Variants in GAD2 observed in about 807,000 individuals in gnomAD.
GAD2 encodes 65 kDa glutamic acid decarboxylase.
A neutral mutation model predicts 80.1 loss-of-function variants in GAD2; 22 were observed. The observed-to-expected ratio is 0.27, with a 90% CI of 0.20 to 0.39. GAD2 has a LOEUF of 0.39. Among genes scored for constraint, GAD2 ranks in the 10% least tolerant of loss-of-function variants. The pLI is 1.00. For missense variants in GAD2, 624 were observed against 738.4 expected, an observed-to-expected ratio of 0.85 and a Z score of 1.80; for synonymous variants, 274 against 256.9, an observed-to-expected ratio of 1.07 and a Z score of -0.64.
At chr10:26,253,497 C>T (rs953950906) in intron 8 of GAD2, among the ~76,000 whole-genome samples, 1 of 152,186 alleles carries the variant, frequency 6.6e-6, no homozygotes, top group African/African-American at 2.4e-5. Flanking sequence ...AGCAATATTT[C>T]AGAATTTGCT....
intron 7 of GAD2, among the ~76,000 whole-genome samples, chr10:26,236,001 A>G (rs10828963): frequency 0.45 from 67,845 of 152,136 alleles, 17,849 homozygotes; most frequent in African/African-American, 0.73. Flanking sequence ...TTCACATGCC[A>G]AGCCTGGCCC....
intron 6 of GAD2, 26 bp from the exon 7 acceptor site, chr10:26,229,632 AAAGT>A: frequency 1.4e-6 from 2 of 1,470,456 alleles, no homozygotes; most frequent in Non-Finnish European, 1.9e-6. Context: ...GATAATAAAT[AAAGT>A]AACTGCGTGT....
intron 7 of GAD2, among the ~76,000 whole-genome samples, chr10:26,238,954 C>G (rs761263912): frequency 2.0e-5 from 3 of 151,606 alleles, no homozygotes; most frequent in Admixed American, 6.6e-5. Flanking sequence ...AGAACTGCAA[C>G]TGCTGAGGGA....
chr10:26,244,605 T>C (rs1286904196), intron 7 of GAD2, among the ~76,000 whole-genome samples: 1 of 152,212 alleles, frequency 6.6e-6, no homozygotes, highest in East Asian at 1.9e-4. Context: ...CTTGAGGACA[T>C]TATACTAAGT....
intron 7 of GAD2, among the ~76,000 whole-genome samples, chr10:26,240,289 T>A (rs1221722683): frequency 1.3e-5 from 2 of 152,226 alleles, no homozygotes; most frequent in Admixed American, 6.5e-5. Flanking sequence ...TCCAGCCTGA[T>A]ACGCTCCTTC....
intron 6 of GAD2, among the ~76,000 whole-genome samples, chr10:26,228,814 C>G (rs1213342305): frequency 6.6e-6 from 1 of 152,136 alleles, no homozygotes; most frequent in Non-Finnish European, 1.5e-5. Flanking sequence ...CCACCAGCCC[C>G]CGACCTTCCA....
chr10:26,277,838 G>A (rs1845228119), intron 11 of GAD2, among the ~76,000 whole-genome samples: 1 of 152,198 alleles, frequency 6.6e-6, no homozygotes. Flanking sequence ...GAGCAGTGGC[G>A]ATTGGGGCCT....
At chr10:26,241,924 C>A (rs1305106683) in intron 7 of GAD2, among the ~76,000 whole-genome samples, 1 of 152,146 alleles carries the variant, frequency 6.6e-6, no homozygotes, top group Non-Finnish European at 1.5e-5. Flanking sequence ...AACATCTCCC[C>A]TCAATTCTTG....
chr10:26,264,531 C>A (rs376331963), intron 8 of GAD2, among the ~76,000 whole-genome samples: 1 of 151,996 alleles, frequency 6.6e-6, no homozygotes, highest in East Asian at 1.9e-4. Flanking sequence ...AGGATGGTCT[C>A]GATCTCCTGA....
chr10:26,217,952 T>C lies in GAD2; in HGVS notation c.247T>C (p.Ser83Pro), dbSNP rs1420713888. Residue 83 changes from serine to proline, a missense_variant, in exon 3 of 16, where the codon TCC becomes CCC. Physicochemically the swap from Ser to Pro is moderately conservative, Grantham distance 74 (BLOSUM62 -1). Transcript: ENST00000376261. The surrounding 1 kb of genome is among the most constrained non-coding windows in gnomAD (Gnocchi z 4.9). ...CACDQKPCSC[S>P]KVDVNYAFLH... ...CTGCGACCAGAAGCCCTGCAGCTGC[T>C]CCAAAGTGGATGTCAACTACGCGTT... 3 of 1,611,604 alleles carry C rather than the reference T, an allele frequency of 1.9e-6. No individual in the cohort carries two copies. Among genetic ancestry groups the C allele is most frequent in the South Asian group, 1.1e-5 (1 of 91,006 alleles).
chr10:26,282,046 G>A lies in GAD2; in HGVS notation c.1236+959G>A, dbSNP rs563018229. ...CGATCTCTGCCTCCTGAGTTCAAGC[G>A]ATTCTCATATCTCAGCCTCCCAAGT... On this transcript the variant is annotated intron_variant, in intron 12 of 15. Coordinates refer to ENST00000376261, the MANE Select transcript of GAD2 (RefSeq NM_001134366.2). 2.2e-3 allele frequency among the ~76,000 whole-genome samples: 334 copies of A among 152,166 alleles called. 3 individuals carry two copies. In the South Asian group the frequency reaches 0.027, roughly 13 times the overall value.
Position 26,223,992 on chromosome 10 carries a change from G to A in GAD2, c.611+15G>A, listed in dbSNP as rs764816467. The A allele has an allele frequency of 1.9e-6, 3 of 1,539,658 alleles. No individual in the cohort carries two copies. The highest frequency in any genetic ancestry group is 2.7e-6 in the Non-Finnish European group (3 of 1,113,728). ...AATACTAACATGTAAGTAGCCAAAT[G>A]TGTTTTTATGTAATTTAGGATAATT... is the stretch of plus-strand genomic sequence containing the variant. On this transcript the variant is annotated intron_variant, in intron 5 of 15. Transcript: ENST00000376261.
At chr10:26,288,449 A>T (rs1834173319) in intron 13 of GAD2, among the ~76,000 whole-genome samples, 1 of 152,214 alleles carries the variant, frequency 6.6e-6, no homozygotes, top group Non-Finnish European at 1.5e-5. Flanking sequence ...CAGCCCAACA[A>T]GGACAGGTAT....
At chr10:26,255,973 T>C (rs1001145076) in intron 8 of GAD2, among the ~76,000 whole-genome samples, 3 of 152,142 alleles carry the variant, frequency 2.0e-5, no homozygotes, top group African/African-American at 7.2e-5. Context: ...AAGCTGCTAA[T>C]GACTTTCAAA....
chr10:26,288,851 T>A (rs1271550963), intron 13 of GAD2, among the ~76,000 whole-genome samples: 1 of 152,152 alleles, frequency 6.6e-6, no homozygotes, highest in Non-Finnish European at 1.5e-5. Context: ...CAGCACAGTT[T>A]CTTAGAGAAA....
chr10:26,296,589 G>A (rs7078680), intron 15 of GAD2, among the ~76,000 whole-genome samples: 13,113 of 152,150 alleles, frequency 0.086, 1,859 homozygotes, highest in African/African-American at 0.29. Flanking sequence ...AGGATGTGAC[G>A]CCACACACAT....
intron 13 of GAD2, among the ~76,000 whole-genome samples, chr10:26,290,550 T>C (rs1270089520): frequency 6.6e-6 from 1 of 152,194 alleles, no homozygotes; most frequent in Non-Finnish European, 1.5e-5. Flanking sequence ...GGGAGCTATG[T>C]TCCAGGTGAA....
intron 4 of GAD2, among the ~76,000 whole-genome samples, 178 bp from the exon 5 acceptor site, chr10:26,223,709 A>G (rs933495694): frequency 6.1e-5 from 9 of 147,798 alleles, no homozygotes; most frequent in Non-Finnish European, 1.0e-4. Context: ...GTGTATGTGC[A>G]TGTGTGTGTG....
At position 26,281,079 on chromosome 10, in the gene GAD2, A is replaced by G. The variant is rs774051902; in HGVS notation, c.1228A>G (p.Arg410Gly). 10 of 1,611,866 alleles carry G rather than the reference A, an allele frequency of 6.2e-6. No individual in the cohort carries two copies. The highest frequency in any genetic ancestry group is 3.3e-4 in the Middle Eastern group (2 of 6,070). ...TTTGCAGTGCTCTGCTCTCCTGGTT[A>G]GAGAAGAGGTATGTCTCTCTTGACT... ...VPLQCSALLVREEGLMQNCNQ... is the reference protein window; with the variant it reads ...VPLQCSALLVGEEGLMQNCNQ... The change falls in exon 12 of 16, where the codon AGA becomes GGA. Residue 410 changes from arginine to glycine, a missense_variant. Coordinates refer to ENST00000376261, the MANE Select transcript of GAD2 (RefSeq NM_001134366.2).
Sources: allele counts gnomAD v4.1 joint callset (sites outside exome capture counted in the v4.1 genomes callset), GRCh38; gene constraint gnomAD v4.1.1; non-coding constraint Gnocchi (gnomAD v3.1); transcripts MANE v1.5; gene names NCBI Gene and HGNC (gene_info 2026-07-23, HGNC 2026-07-21).